The following R3HCC1L variants were observed in gnomAD, a reference collection of about 807,000 sequenced individuals.
R3HCC1L encodes R3H domain and coiled-coil containing 1 like.
R3HCC1L carries 51 observed loss-of-function variants against 59.9 expected under a neutral mutation model. The ratio of observed to expected loss-of-function variants is 0.85; its 90% confidence interval spans 0.68 to 1.07. The LOEUF is 1.07. Ranked by LOEUF, R3HCC1L falls within the 50% of genes least tolerant of loss-of-function variation. The pLI is 0.00. For missense variants in R3HCC1L, 965 were observed against 933.0 expected (o/e 1.03, Z -0.45); for synonymous variants, 322 against 315.2 (o/e 1.02, Z -0.23).
intron 1 of R3HCC1L, among the ~76,000 whole-genome samples, chr10:98,138,013 G>A (rs1844762296): frequency 6.6e-6 from 1 of 151,516 alleles, no homozygotes; most frequent in African/African-American, 2.4e-5. Flanking sequence ...GCTAATGATG[G>A]CATTGGTATG....
chr10:98,195,379 A>G (rs1177833386), intron 4 of R3HCC1L, among the ~76,000 whole-genome samples: 1 of 152,112 alleles, frequency 6.6e-6, no homozygotes, highest in Non-Finnish European at 1.5e-5. Flanking sequence ...CTGTCATACA[A>G]CAATATGCAT....
At chr10:98,194,296 T>A (rs150224782) in intron 4 of R3HCC1L, among the ~76,000 whole-genome samples, 80 of 152,106 alleles carry the variant, frequency 5.3e-4, no homozygotes, top group African/African-American at 1.7e-3. Context: ...GAATGAGGTG[T>A]ACCATATACA....
chr10:98,242,723 TTTC>T (rs1857671481), intron 9 of R3HCC1L, among the ~76,000 whole-genome samples: 1 of 152,236 alleles, frequency 6.6e-6, no homozygotes, highest in Non-Finnish European at 1.5e-5. Context: ...ACTTTTCTGG[TTTC>T]TTCATTTTTC....
At chr10:98,186,055 G>A (rs2134699731) in intron 4 of R3HCC1L, among the ~76,000 whole-genome samples, 2 of 152,298 alleles carry the variant, frequency 1.3e-5, no homozygotes, top group Middle Eastern at 3.4e-3. Flanking sequence ...GATGTATCCA[G>A]TAAAAATCTT....
At chr10:98,223,546 A>G (rs1445854519) in intron 5 of R3HCC1L, among the ~76,000 whole-genome samples, 2 of 151,838 alleles carry the variant, frequency 1.3e-5, no homozygotes, top group Non-Finnish European at 2.9e-5. Flanking sequence ...ACTTTTTCCT[A>G]TAGATATATC....
Position 98,218,270 on chromosome 10 carries a change from T to A in R3HCC1L, c.1785+8371T>A, listed in dbSNP as rs1854445053. On this transcript the variant is annotated intron_variant, in intron 5 of 9. Transcript: ENST00000298999. ...TTCTGTATCTGTTGAGATGTTTATATGGGTTTTGACCTTCATTCTGTTGAT... is the reference window on the plus strand; with the variant it reads ...TTCTGTATCTGTTGAGATGTTTATAAGGGTTTTGACCTTCATTCTGTTGAT... 5.9e-5 allele frequency among the ~76,000 whole-genome samples: 9 copies of A among 152,164 alleles called. 1 individual carries two copies. The South Asian group carries it at 1.9e-3, about 32-fold the overall frequency.
In R3HCC1L at chr10:98,208,866, A is replaced by T; in HGVS notation, c.752A>T (p.Gln251Leu). ...SDSEIVQQSM[Q>L]TSDGILNPSS... Reference sequence around the variant, plus strand: ...TCTGAAATTGTACAACAAAGCATGCAAACATCAGATGGAATATTGAATCCC... The same window carrying T: ...TCTGAAATTGTACAACAAAGCATGCTAACATCAGATGGAATATTGAATCCC... The change falls in exon 5 of 10, where the codon CAA becomes CTA. Residue 251 changes from glutamine to leucine, a missense_variant. Coordinates refer to ENST00000298999, the MANE Select transcript of R3HCC1L (RefSeq NM_001351015.2). 1.2e-6 allele frequency: 2 copies of T among 1,614,162 alleles called. No individual in the cohort carries two copies. The highest frequency in any genetic ancestry group is 1.7e-6 in the Non-Finnish European group (2 of 1,180,010).
chr10:98,136,187 AG>A (rs1166674048), intron 1 of R3HCC1L, among the ~76,000 whole-genome samples: 1 of 152,130 alleles, frequency 6.6e-6, no homozygotes, highest in Non-Finnish European at 1.5e-5. Context: ...TAAAGGGGTA[AG>A]AAAGTGTAGT....
At chr10:98,148,403 C>A (rs1220118974) in intron 1 of R3HCC1L, among the ~76,000 whole-genome samples, 2 of 152,252 alleles carry the variant, frequency 1.3e-5, no homozygotes, top group East Asian at 3.9e-4. Context: ...ATTGCTCTGG[C>A]CAGAACTTCC....
At chr10:98,194,589 G>T (rs973840959) in intron 4 of R3HCC1L, among the ~76,000 whole-genome samples, 1 of 152,142 alleles carries the variant, frequency 6.6e-6, no homozygotes, top group Non-Finnish European at 1.5e-5. Flanking sequence ...TAGACTAGGG[G>T]TTAATATTGG....
chr10:98,202,098 C>T (rs955949473), intron 4 of R3HCC1L, among the ~76,000 whole-genome samples: 9 of 151,926 alleles, frequency 5.9e-5, no homozygotes, highest in Admixed American at 2.0e-4. Flanking sequence ...GGAATCTTAG[C>T]GTCTCTAGTG....
At chr10:98,188,084 T>TACAC (rs759016027) in intron 4 of R3HCC1L, among the ~76,000 whole-genome samples, 10 of 151,308 alleles carry the variant, frequency 6.6e-5, no homozygotes, top group Non-Finnish European at 1.3e-4. Context: ...ACATACCTTT[T>TACAC]ACACACACAC....
intron 4 of R3HCC1L, among the ~76,000 whole-genome samples, chr10:98,167,138 C>T (rs913124399): frequency 6.6e-6 from 1 of 151,868 alleles, no homozygotes; most frequent in Admixed American, 6.6e-5. Flanking sequence ...AGTTTAAATA[C>T]CTGAGCCATG....
chr10:98,155,742 C>T (rs1382304695), intron 1 of R3HCC1L, among the ~76,000 whole-genome samples: 1 of 151,878 alleles, frequency 6.6e-6, no homozygotes, highest in African/African-American at 2.4e-5. Context: ...TTTCTTCTGG[C>T]ATCAACATAT....
chr10:98,153,046 T>C (rs1335057973), intron 1 of R3HCC1L, among the ~76,000 whole-genome samples: 1 of 150,128 alleles, frequency 6.7e-6, no homozygotes, highest in Non-Finnish European at 1.5e-5. Context: ...GGGGCGCCTC[T>C]GCCCGGCCGC....
intron 5 of R3HCC1L, among the ~76,000 whole-genome samples, chr10:98,212,959 A>G (rs1853758613): frequency 6.6e-6 from 1 of 152,192 alleles, no homozygotes; most frequent in Admixed American, 6.5e-5. Flanking sequence ...TATGTAGACC[A>G]TAATGGGTAA....
intron 1 of R3HCC1L, among the ~76,000 whole-genome samples, chr10:98,135,078 C>G (rs920348641): frequency 2.0e-5 from 3 of 152,228 alleles, no homozygotes; most frequent in African/African-American, 7.2e-5. Flanking sequence ...CGTGGGCCCC[C>G]AGGGCTGCCG....
intron 4 of R3HCC1L, among the ~76,000 whole-genome samples, chr10:98,201,280 ATGGTCTGGTAG>A (rs371427525): frequency 7.2e-5 from 11 of 152,300 alleles, no homozygotes; most frequent in African/African-American, 1.9e-4. Flanking sequence ...GAGAATTGTA[ATGGTCTGGTAG>A]TGGTCTGGTA....
chr10:98,242,640 C>T (rs745702494), intron 9 of R3HCC1L, among the ~76,000 whole-genome samples: 2 of 152,146 alleles, frequency 1.3e-5, no homozygotes, highest in African/African-American at 4.8e-5. Flanking sequence ...CTACTGCTCT[C>T]GAATCTCTTC....
Sources: gnomAD v4.1 joint callset for allele counts (sites outside exome capture counted in the v4.1 genomes callset) on GRCh38, gnomAD v4.1.1 for gene constraint, MANE v1.5 for transcripts, NCBI Gene and HGNC (gene_info 2026-07-23, HGNC 2026-07-21) for gene names.